The following CRISP1 variants were observed in gnomAD, a reference collection of about 807,000 sequenced individuals.
CRISP1 encodes the protein cysteine-rich secretory protein 1.
CRISP1 carries 44 observed loss-of-function variants against 33.1 expected under a neutral mutation model. That is an observed-to-expected ratio of 1.33 (90% CI 1.05 to 1.71). The LOEUF (loss-of-function observed/expected upper bound fraction) is 1.71, where lower values mean the gene tolerates loss of function less well. Among genes scored for constraint, CRISP1 ranks in the 40% most tolerant of loss-of-function variants. The probability of loss-of-function intolerance (pLI) is 0.00; values close to 1 mark genes in which losing one functional copy is unlikely to be tolerated. For missense variants in CRISP1, 390 were observed against 301.2 expected (o/e 1.29, Z -2.18); for synonymous variants, 103 against 98.7 (o/e 1.04, Z -0.26).
intron 7 of CRISP1, among the ~76,000 whole-genome samples, chr6:49,837,660 A>G (rs1354258312): frequency 6.6e-6 from 1 of 152,192 alleles, no homozygotes; most frequent in Non-Finnish European, 1.5e-5. Flanking sequence ...TAACCTGGTT[A>G]GGTGAAGAAA....
chr6:49,865,454 A>G (rs1771776323), intron 1 of CRISP1, among the ~76,000 whole-genome samples: 3 of 152,148 alleles, frequency 2.0e-5, no homozygotes, highest in Non-Finnish European at 4.4e-5. Flanking sequence ...TGATTATCTG[A>G]TATTATTTGA....
intron 1 of CRISP1, among the ~76,000 whole-genome samples, chr6:49,863,390 A>T (rs933204262): frequency 6.6e-6 from 1 of 152,190 alleles, no homozygotes; most frequent in Non-Finnish European, 1.5e-5. Flanking sequence ...GCTTGAACTT[A>T]GGTAAAGGTA....
upstream of CRISP1, among the ~76,000 whole-genome samples, chr6:49,867,517 A>AATTGTG (rs1205730609): frequency 6.6e-6 from 1 of 152,086 alleles, no homozygotes; most frequent in African/African-American, 2.4e-5. Context: ...ATAAGGTAAG[A>AATTGTG]ATTGTGTAGT....
intron 3 of CRISP1, among the ~76,000 whole-genome samples, chr6:49,850,311 G>A (rs1249318826): frequency 6.6e-6 from 1 of 152,014 alleles, no homozygotes; most frequent in Non-Finnish European, 1.5e-5. Flanking sequence ...TTAAAATATA[G>A]CAGGATGTTT....
chr6:49,854,604 A>G (rs1165715515), intron 2 of CRISP1, among the ~76,000 whole-genome samples: 3 of 152,124 alleles, frequency 2.0e-5, no homozygotes, highest in Admixed American at 1.3e-4. Context: ...CCATTCAACT[A>G]TTGTTCTCTG....
chr6:49,840,594 G>A (rs1385339040), intron 6 of CRISP1, among the ~76,000 whole-genome samples: 1 of 152,072 alleles, frequency 6.6e-6, no homozygotes, highest in Non-Finnish European at 1.5e-5. Context: ...ATGACACATA[G>A]GAAGACTGCT....
At chr6:49,865,633 T>C (rs1771782295) in intron 1 of CRISP1, among the ~76,000 whole-genome samples, 1 of 152,154 alleles carries the variant, frequency 6.6e-6, no homozygotes, top group Non-Finnish European at 1.5e-5. Flanking sequence ...TAAGCAGTTT[T>C]GGAGAGAATA....
At chr6:49,873,335 C>T (rs909800286) in intron 1 of CRISP1, among the ~76,000 whole-genome samples, 4 of 151,948 alleles carry the variant, frequency 2.6e-5, no homozygotes, top group Non-Finnish European at 5.9e-5. Context: ...TTGCAGATCT[C>T]AGGAAATGTT....
intron 1 of CRISP1, among the ~76,000 whole-genome samples, chr6:49,865,436 C>A (rs1451980547): frequency 2.0e-5 from 3 of 152,104 alleles, no homozygotes; most frequent in Non-Finnish European, 4.4e-5. Flanking sequence ...TAAATACCAG[C>A]TATTTGATGA....
chr6:49,855,442 A>T (rs202185428), intron 2 of CRISP1, among the ~76,000 whole-genome samples: 1 of 145,962 alleles, frequency 6.9e-6, no homozygotes, highest in Non-Finnish European at 1.5e-5. Flanking sequence ...CTTATCTCTG[A>T]TTTTTTTTTT....
chr6:49,864,191 A>C (rs1771734468), intron 1 of CRISP1, among the ~76,000 whole-genome samples: 1 of 152,154 alleles, frequency 6.6e-6, no homozygotes, highest in Non-Finnish European at 1.5e-5. Context: ...TACTTATGAG[A>C]TTCAACCACG....
chr6:49,836,029 C>A (rs1770778331), intron 7 of CRISP1, among the ~76,000 whole-genome samples: 1 of 152,156 alleles, frequency 6.6e-6, no homozygotes, highest in Non-Finnish European at 1.5e-5. Context: ...ATTCTCCAAT[C>A]AGTATGAAGA....
At position 49,862,408 on chromosome 6, in the gene CRISP1, AAT is replaced by A. The variant is rs529802694; in HGVS notation, c.-3+4019_-3+4020del. On this transcript the variant is annotated intron_variant, in intron 1 of 7. Transcript: ENST00000335847. ...TACATAATATTACTGATATTAGAAAAATATATATATACACACACACAATCTGC... is the reference window on the plus strand; with the variant it reads ...TACATAATATTACTGATATTAGAAAAATATATATACACACACACAATCTGC... 9.2e-5 allele frequency among the ~76,000 whole-genome samples: 14 copies of A among 152,078 alleles called. No individual in the cohort carries two copies. The East Asian group carries it at 1.9e-3, about 21-fold the overall frequency.
intron 2 of CRISP1, among the ~76,000 whole-genome samples, chr6:49,856,904 AGCTCCTCACGTTGCTCTTTGT>A (rs1771511654): frequency 6.6e-6 from 1 of 152,144 alleles, no homozygotes; most frequent in African/African-American, 2.4e-5. Context: ...ACTGCTAATC[AGCTCCTCACGTTGCTCTTTGT>A]GCTGTTGGCA....
At chr6:49,863,423 CAGA>C (rs1188770838) in intron 1 of CRISP1, among the ~76,000 whole-genome samples, 1 of 152,108 alleles carries the variant, frequency 6.6e-6, no homozygotes, top group Admixed American at 6.6e-5. Flanking sequence ...AGAAGTATTA[CAGA>C]AGAAGAAGAA....
intron 1 of CRISP1, among the ~76,000 whole-genome samples, chr6:49,864,279 T>C (rs72863146): frequency 0.044 from 6,753 of 152,184 alleles, 222 homozygotes; most frequent in Non-Finnish European, 0.067. Context: ...AATTTAATCA[T>C]TCTATTATTT....
At position 49,852,126 on chromosome 6, in the gene CRISP1, T is replaced by A; in HGVS notation, c.70A>T (p.Lys24Ter). 6.2e-7 allele frequency: 1 copy of A among 1,608,242 alleles called. No homozygotes were observed. The highest frequency in any genetic ancestry group is 1.3e-5 in the African/African-American group (1 of 74,688). ...CLLPMLSMKK[K>*]SARDQFNKLV... ...TTATTAAATTGGTCTCTAGCTGATT[T>A]CTTCTGTTACCAGAAAAATATTAAT... The change falls in exon 3 of 8, where the codon AAA becomes TAA. Residue 24 changes from lysine (K) to a stop codon, truncating the protein, a stop_gained. Coordinates refer to ENST00000335847, the MANE Select transcript of CRISP1 (RefSeq NM_001131.3). LOFTEE classifies it high-confidence loss of function.
chr6:49,863,380 G>T (rs944559593), intron 1 of CRISP1, among the ~76,000 whole-genome samples: 1 of 152,132 alleles, frequency 6.6e-6, no homozygotes, highest in African/African-American at 2.4e-5. Context: ...TTACATAGCT[G>T]CTTGAACTTA....
At chr6:49,836,693 C>A (rs143022655) in intron 7 of CRISP1, among the ~76,000 whole-genome samples, 2 of 152,164 alleles carry the variant, frequency 1.3e-5, no homozygotes, top group East Asian at 3.9e-4. Context: ...AGTGAATATC[C>A]TTCTATGCTA....
Sources: gnomAD v4.1 joint callset for allele counts (sites outside exome capture counted in the v4.1 genomes callset) on GRCh38, gnomAD v4.1.1 for gene constraint, MANE v1.5 for transcripts, NCBI Gene and HGNC (gene_info 2026-07-23, HGNC 2026-07-21) for gene names.